Variants in ZFAT observed in about 807,000 individuals in gnomAD.
ZFAT encodes zinc finger and AT-hook domain containing, also known as zinc finger protein ZFAT.
In ZFAT, 64 loss-of-function variants were observed where a neutral mutation model predicts 117.7. The ratio of observed to expected loss-of-function variants is 0.54; its 90% confidence interval spans 0.44 to 0.67. The LOEUF is 0.67. Among genes scored for constraint, ZFAT ranks in the 30% least tolerant of loss-of-function variants. ZFAT has a pLI of 0.00. For synonymous variants in ZFAT, 679 were observed against 615.0 expected, an observed-to-expected ratio of 1.10 and a Z score of -1.54; for missense variants, 1,433 against 1,584.5, an observed-to-expected ratio of 0.90 and a Z score of 1.62.
intron 11 of ZFAT, among the ~76,000 whole-genome samples, chr8:134,560,574 C>T (rs1027040405): frequency 6.6e-6 from 1 of 152,206 alleles, no homozygotes; most frequent in African/African-American, 2.4e-5. Context: ...GAAAGAACTC[C>T]ACAAGGTGAT....
chr8:134,811,453 G>A, the ZFAT span, among the ~76,000 whole-genome samples: 1 of 152,034 alleles, frequency 6.6e-6, no homozygotes, highest in African/African-American at 2.4e-5. Flanking sequence ...TAACAAAAAC[G>A]CCAATAACCA....
Position 134,565,360 on chromosome 8 carries a change from C to T in ZFAT, c.2949G>A (p.Arg983=). ...YTAAQKPQLL[R]HMEQHVSFKP... is the part of the protein sequence containing the mutation. The stretch of plus-strand genomic sequence containing the variant: ...TGAAGGAGACATGCTGTTCCATGTG[C>T]CGCAGCAGCTGTGGCTTCTGGGCCG... The change falls in exon 11 of 16, where the codon CGG becomes CGA. Residue 983 remains arginine, a synonymous_variant. Transcript: ENST00000377838. The T allele has an allele frequency of 6.2e-7, 1 of 1,613,926 alleles. No individual in the cohort carries two copies. Among genetic ancestry groups the T allele is most frequent in the Non-Finnish European group, 8.5e-7 (1 of 1,179,874 alleles).
chr8:134,587,732 C>T (rs11993435), intron 9 of ZFAT, among the ~76,000 whole-genome samples: 37,482 of 152,094 alleles, frequency 0.25, 5,176 homozygotes, highest in East Asian at 0.52. Context: ...AACCCAAAAG[C>T]ACAGCCTACC....
upstream of ZFAT, among the ~76,000 whole-genome samples, chr8:134,714,124 A>C: frequency 7.2e-6 from 1 of 138,506 alleles, no homozygotes; most frequent in Non-Finnish European, 1.6e-5. Flanking sequence ...CCCCCCCAAA[A>C]AAAAAAAGTG....
chr8:134,805,321 T>C, the ZFAT span, among the ~76,000 whole-genome samples: 2 of 152,182 alleles, frequency 1.3e-5, no homozygotes, highest in South Asian at 4.1e-4. Flanking sequence ...TGACCATACA[T>C]TTCATGGATG....
intron 11 of ZFAT, among the ~76,000 whole-genome samples, chr8:134,545,528 G>A (rs1216760780): frequency 6.6e-6 from 1 of 152,198 alleles, no homozygotes; most frequent in Non-Finnish European, 1.5e-5. Context: ...ACATGGTTTA[G>A]AGATGCATAC....
chr8:134,705,946 A>G (rs1218038632), intron 1 of ZFAT, among the ~76,000 whole-genome samples: 1 of 152,200 alleles, frequency 6.6e-6, no homozygotes, highest in Non-Finnish European at 1.5e-5. Context: ...CATCAGGGAA[A>G]TGCAAATTAA....
chr8:134,708,768 C>T (rs781228515), intron 1 of ZFAT, among the ~76,000 whole-genome samples: 9 of 151,950 alleles, frequency 5.9e-5, no homozygotes, highest in Non-Finnish European at 1.0e-4. Context: ...GCCTGACCAA[C>T]ATGGTGAAAC....
At chr8:134,502,424 A>G (rs1426762822) in intron 15 of ZFAT, among the ~76,000 whole-genome samples, 1 of 152,242 alleles carries the variant, frequency 6.6e-6, no homozygotes, top group Non-Finnish European at 1.5e-5. Flanking sequence ...TCTCCACTGA[A>G]GTAGAGTGCC....
At chr8:134,825,802 C>T in the ZFAT span, among the ~76,000 whole-genome samples, 2 of 152,078 alleles carry the variant, frequency 1.3e-5, no homozygotes, top group Non-Finnish European at 2.9e-5. Context: ...GGGCGGATCA[C>T]GAGGTCAGGA....
the ZFAT span, among the ~76,000 whole-genome samples, chr8:134,828,036 T>C: frequency 6.6e-6 from 1 of 152,230 alleles, no homozygotes; most frequent in Non-Finnish European, 1.5e-5. Flanking sequence ...CTTTTTTACA[T>C]GTATTTTTTA....
chr8:134,770,724 T>C, the ZFAT span, among the ~76,000 whole-genome samples: 1 of 152,190 alleles, frequency 6.6e-6, no homozygotes, highest in Non-Finnish European at 1.5e-5. Flanking sequence ...CAAAAGCAAA[T>C]GGCAGAAGTA....
chr8:134,697,404 G>A (rs1833894128), intron 1 of ZFAT, among the ~76,000 whole-genome samples: 1 of 148,548 alleles, frequency 6.7e-6, no homozygotes, highest in Admixed American at 6.7e-5. Flanking sequence ...GAGCCACCGC[G>A]CCCACCTTTT....
At chr8:134,532,269 T>C (rs186482061) in intron 12 of ZFAT, among the ~76,000 whole-genome samples, 6 of 152,346 alleles carry the variant, frequency 3.9e-5, no homozygotes, top group Non-Finnish European at 7.3e-5. Flanking sequence ...GCTTACTTAA[T>C]AAATATTTTT....
intron 11 of ZFAT, among the ~76,000 whole-genome samples, chr8:134,545,375 T>A (rs1188299235): frequency 7.9e-5 from 12 of 151,808 alleles, no homozygotes; most frequent in Non-Finnish European, 4.4e-5. Context: ...ATTAGCTAGA[T>A]GTGATGGCAC....
chr8:134,719,121 A>T, the ZFAT span, among the ~76,000 whole-genome samples: 2 of 152,184 alleles, frequency 1.3e-5, no homozygotes, highest in African/African-American at 2.4e-5. Flanking sequence ...GGGCCTGGAG[A>T]TCTGGCTCAC....
chr8:134,761,643 T>C, the ZFAT span, among the ~76,000 whole-genome samples: 4 of 151,708 alleles, frequency 2.6e-5, no homozygotes, highest in Non-Finnish European at 5.9e-5. Context: ...TAGGTTGCAG[T>C]GAGCCGAGAT....
At chr8:134,764,069 T>C in the ZFAT span, among the ~76,000 whole-genome samples, 1 of 152,236 alleles carries the variant, frequency 6.6e-6, no homozygotes, top group Non-Finnish European at 1.5e-5. Context: ...ATTATTTAAA[T>C]AAATATAAAA....
At chr8:134,569,634 G>C (rs1397926253) in intron 10 of ZFAT, among the ~76,000 whole-genome samples, 2 of 152,056 alleles carry the variant, frequency 1.3e-5, no homozygotes, top group Non-Finnish European at 2.9e-5. Context: ...AAATGGGGAG[G>C]TAATCCCCAT....
Sources: allele counts gnomAD v4.1 joint callset (sites outside exome capture counted in the v4.1 genomes callset), GRCh38; gene constraint gnomAD v4.1.1; transcripts MANE v1.5; gene names NCBI Gene and HGNC (gene_info 2026-07-23, HGNC 2026-07-21).